The following POLA2 variants were observed in gnomAD, a reference collection of about 807,000 sequenced individuals.
POLA2 encodes DNA polymerase alpha 2, accessory subunit.
POLA2 carries 47 observed loss-of-function variants against 82.8 expected under a neutral mutation model. That is an observed-to-expected ratio of 0.57 (90% CI 0.45 to 0.72). The LOEUF (loss-of-function observed/expected upper bound fraction) is 0.72. POLA2 is among the 30% of genes least tolerant of loss of function. POLA2 has a pLI of 0.00. For missense variants in POLA2, 634 were observed against 728.1 expected (o/e 0.87, Z 1.49); for synonymous variants, 287 against 286.8 (o/e 1.00, Z -0.01).
At chr11:65,279,713 C>T in intron 7 of POLA2, 87 bp downstream of exon 7, 1 of 938,906 alleles carries the variant, frequency 1.1e-6, no homozygotes, top group Non-Finnish European at 1.7e-6. Flanking sequence ...TCCTTTTTCA[C>T]TTCTTGTCTG....
intron 4 of POLA2, among the ~76,000 whole-genome samples, chr11:65,270,775 T>G (rs1003871456): frequency 3.0e-4 from 45 of 152,282 alleles, no homozygotes; most frequent in African/African-American, 1.1e-3. Flanking sequence ...TCCATTGGCT[T>G]CTTTCTGCCA....
At chr11:65,268,807 G>A in intron 4 of POLA2, 78 bp downstream of exon 4, 1 of 950,672 alleles carries the variant, frequency 1.1e-6, no homozygotes, top group Non-Finnish European at 1.6e-6. Flanking sequence ...AGATCTGAGG[G>A]AAAAAATCAA....
In POLA2 at chr11:65,297,252, C is replaced by T. The variant is rs1189354750; in HGVS notation, c.1780C>T (p.Gln594Ter). The T allele has an allele frequency of 1.9e-6, 3 of 1,608,570 alleles. No individual in the cohort carries two copies. Among genetic ancestry groups the T allele is most frequent in the South Asian group, 1.1e-5 (1 of 90,442 alleles). The change falls in exon 18 of 18, where the codon CAG becomes TAG. Residue 594 changes from glutamine (Q) to a stop codon, truncating the protein, a stop_gained. Coordinates refer to ENST00000265465, the MANE Select transcript of POLA2 (RefSeq NM_002689.4). LOFTEE classifies it high-confidence loss of function. ...AERQSPCIAV[Q>*]VVRI ...GAGGCAGAGCCCATGCATTGCTGTG[C>T]AGGTCGTCAGGATCTGAGGCTTCTG...
chr11:65,295,668 G>T lies in POLA2; in HGVS notation c.1520+69G>T. On this transcript the variant is annotated intron_variant, in intron 16 of 17. Transcript: ENST00000265465. ...GGGGTCATGGAGCTATGACAAGCATGACTGTAAGAGCCTTCACCAGGCTAC... is the reference window on the plus strand; with the variant it reads ...GGGGTCATGGAGCTATGACAAGCATTACTGTAAGAGCCTTCACCAGGCTAC... 2.8e-6 allele frequency: 4 copies of T among 1,424,448 alleles called. No individual in the cohort carries two copies. In the South Asian group the frequency reaches 4.6e-5, roughly 16 times the overall value. 88.2% of individuals were successfully genotyped at this position (1,424,448 alleles called of 1,614,324 possible).
At position 65,267,539 on chromosome 11, in the gene POLA2, A is replaced by C; in HGVS notation, c.267A>C (p.Gly89=). ...HSTCKDSGHA[G]ARDIVSIQEL... ...CCTGCAAGGACAGTGGCCATGCAGG[A>C]GCTAGAGACATTGTTTCCATTCAAG... The change falls in exon 3 of 18, where the codon GGA becomes GGC. Residue 89 remains glycine, a synonymous_variant. Coordinates refer to ENST00000265465, the MANE Select transcript of POLA2 (RefSeq NM_002689.4). 6.2e-7 allele frequency: 1 copy of C among 1,610,944 alleles called. No individual in the cohort carries two copies. The highest frequency in any genetic ancestry group is 1.1e-5 in the South Asian group (1 of 90,632).
intron 4 of POLA2, among the ~76,000 whole-genome samples, chr11:65,270,315 C>T (rs530274673): frequency 1.3e-5 from 2 of 152,242 alleles, no homozygotes; most frequent in African/African-American, 2.4e-5. Context: ...GAGATCATGC[C>T]GCTGCTCTAC....
intron 1 of POLA2, among the ~76,000 whole-genome samples, chr11:65,266,197 ACTTT>A: frequency 6.6e-6 from 1 of 152,146 alleles, no homozygotes; most frequent in Middle Eastern, 3.4e-3. Context: ...ATCATCCTTG[ACTTT>A]CTTTTTCTCA....
At chr11:65,274,263 A>C (rs1949552511) in intron 4 of POLA2, among the ~76,000 whole-genome samples, 1 of 150,548 alleles carries the variant, frequency 6.6e-6, no homozygotes, top group African/African-American at 2.4e-5. Flanking sequence ...GAGGCCAGAG[A>C]ATCACTTGAA....
chr11:65,269,521 T>C (rs192317609), intron 4 of POLA2, among the ~76,000 whole-genome samples: 1 of 151,672 alleles, frequency 6.6e-6, no homozygotes, highest in African/African-American at 2.4e-5. Context: ...AACAACTATG[T>C]ACTGCACTAG....
rs1337236553 is a variant in POLA2, at chr11:65,285,592, A to G, written c.1007-2124A>G. Reference sequence around the variant, plus strand: ...CCTATCTCAAAAAAAAAAAAAAAAGAAAAAGAAAAAAAAGAAAATACAAAT... The same window carrying G: ...CCTATCTCAAAAAAAAAAAAAAAAGGAAAAGAAAAAAAAGAAAATACAAAT... On this transcript the variant is annotated intron_variant, in intron 10 of 17. Coordinates refer to ENST00000265465, the MANE Select transcript of POLA2 (RefSeq NM_002689.4). Among the ~76,000 whole-genome samples the G allele has an allele frequency of 4.0e-5, 6 of 150,786 alleles. No individual in the cohort carries two copies. The East Asian group carries it at 5.8e-4, about 15-fold the overall frequency.
intron 15 of POLA2, 36 bp from the exon 16 acceptor site, chr11:65,295,504 C>G: frequency 1.9e-6 from 3 of 1,582,786 alleles, no homozygotes; most frequent in Non-Finnish European, 2.6e-6. Context: ...GGCTGAAAAA[C>G]AGAGTTCTGT....
chr11:65,296,989 G>T, intron 17 of POLA2, 131 bp from the exon 18 acceptor site: 1 of 809,668 alleles, frequency 1.2e-6, no homozygotes. Context: ...TGTGTCTGGT[G>T]ATTTGGTTGC....
At chr11:65,304,646 C>T (rs1949877146) in intron 8 of POLA2, among the ~76,000 whole-genome samples, 1 of 152,182 alleles carries the variant, frequency 6.6e-6, no homozygotes, top group Non-Finnish European at 1.5e-5. Context: ...TGAGGGGAGA[C>T]ATCACAGCTG....
At position 65,282,402 on chromosome 11, in the gene POLA2, A is replaced by G. The variant is rs920344179; in HGVS notation, c.964-77A>G. 2.5e-5 allele frequency: 31 copies of G among 1,251,794 alleles called. No homozygotes were observed. The African/African-American group carries it at 2.7e-4, about 11-fold the overall frequency. 77.5% of individuals were successfully genotyped at this position (1,251,794 alleles called of 1,614,324 possible). ...CCCATCACACACCTGCACCACCCCC[A>G]ACCTGGTGCCCTCCCCTTTCCTTAC... On this transcript the variant is annotated intron_variant, in intron 9 of 17. Coordinates refer to ENST00000265465, the MANE Select transcript of POLA2 (RefSeq NM_002689.4).
downstream of POLA2, among the ~76,000 whole-genome samples, chr11:65,298,938 G>A (rs531749834): frequency 1.3e-5 from 2 of 152,268 alleles, no homozygotes; most frequent in East Asian, 1.9e-4. Flanking sequence ...CGGGAGGGCC[G>A]GAGCAGGCAT....
chr11:65,280,654 A>G, intron 7 of POLA2: 1 of 287,566 alleles, frequency 3.5e-6, no homozygotes, highest in Non-Finnish European at 6.6e-6. Context: ...TTAAGTAGTT[A>G]TAGCTGCCCA....
Position 65,289,887 on chromosome 11 carries a change from T to C in POLA2, c.1244+15T>C, listed in dbSNP as rs1949736638. The C allele has an allele frequency of 1.3e-6, 2 of 1,528,310 alleles. No individual in the cohort carries two copies. The highest frequency in any genetic ancestry group is 1.8e-6 in the Non-Finnish European group (2 of 1,102,050). The allele number at this position is 1,528,310 out of a possible 1,614,324, so 94.7% of individuals were successfully genotyped here. A position where few individuals can be genotyped will look rare whatever the true frequency, so the allele number is the denominator to read the frequency against. ...GGCACAAGAAGGTCAGATTTCAAAA[T>C]ACTGGACAGAACCTTAAGCTTCTTA... On this transcript the variant is annotated intron_variant, in intron 13 of 17. Coordinates refer to ENST00000265465, the MANE Select transcript of POLA2 (RefSeq NM_002689.4).
chr11:65,273,511 G>A (rs1386121830), intron 4 of POLA2, among the ~76,000 whole-genome samples: 1 of 152,182 alleles, frequency 6.6e-6, no homozygotes, highest in East Asian at 1.9e-4. Context: ...CTGTCACCTT[G>A]CCACGTCTTG....
intron 4 of POLA2, among the ~76,000 whole-genome samples, chr11:65,269,862 TTTCCTC>T (rs1228539146): frequency 6.6e-6 from 1 of 152,200 alleles, no homozygotes; most frequent in Admixed American, 6.5e-5. Flanking sequence ...GAGATGGAGT[TTTCCTC>T]TTGTTGCCCA....
Sources: allele counts gnomAD v4.1 joint callset (sites outside exome capture counted in the v4.1 genomes callset), GRCh38; gene constraint gnomAD v4.1.1; transcripts MANE v1.5; gene names NCBI Gene and HGNC (gene_info 2026-07-23, HGNC 2026-07-21).